LTN1: variants seen among roughly 807,000 people sequenced by gnomAD.
The protein encoded by LTN1 is listerin E3 ubiquitin protein ligase 1, also known as E3 ubiquitin-protein ligase listerin.
Under a neutral mutation model 201.2 loss-of-function variants are expected in LTN1, and 88 were observed. The observed-to-expected ratio is 0.44, with a 90% CI of 0.37 to 0.52. The LOEUF is 0.52. LTN1 is among the 20% of genes least tolerant of loss of function. The pLI, the probability that LTN1 is intolerant of heterozygous loss-of-function variation, is 0.00. For missense variants in LTN1, 1,752 were observed against 2,038.7 expected (o/e 0.86, Z 2.71); for synonymous variants, 645 against 713.5 (o/e 0.90, Z 1.53).
At chr21:28,960,350 C>CA (rs141259201) in intron 12 of LTN1, among the ~76,000 whole-genome samples, 167 bp downstream of exon 12, 5,778 of 140,430 alleles carry the variant, frequency 0.041, 127 homozygotes, top group Middle Eastern at 0.13. Context: ...GAGGGAGACT[C>CA]AGTCTCAAAA....
In LTN1 at chr21:28,971,440, C is replaced by T. The variant is rs1216277719; in HGVS notation, c.815G>A (p.Arg272His). ...AGAGACTAACTCAAAATAAGCTGAGCGAATCTAAAAGAATGCAAAGCTGAA... is the reference window on the plus strand; with the variant it reads ...AGAGACTAACTCAAAATAAGCTGAGTGAATCTAAAAGAATGCAAAGCTGAA... ...KYGKHSVPQI[R>H]SAYFELVSAL... Residue 272 changes from arginine (R) to histidine (H), a missense_variant, in exon 7 of 30, where the codon CGC becomes CAC. Transcript: ENST00000361371. The T allele has an allele frequency of 3.7e-6, 6 of 1,611,058 alleles. No individual in the cohort carries two copies. The highest frequency in any genetic ancestry group is 2.2e-5 in the East Asian group (1 of 44,744).
intron 18 of LTN1, among the ~76,000 whole-genome samples, chr21:28,950,480 A>C (rs1280653088): frequency 6.6e-6 from 1 of 152,194 alleles, no homozygotes; most frequent in African/African-American, 2.4e-5. Context: ...CTAATGTCAA[A>C]AAGTTACATA....
At chr21:28,963,367 G>T (rs532421765) in intron 11 of LTN1, among the ~76,000 whole-genome samples, 3 of 152,268 alleles carry the variant, frequency 2.0e-5, no homozygotes, top group Admixed American at 6.5e-5. Context: ...AAATCCCAGG[G>T]TTCTTAACCT....
Position 28,936,544 on chromosome 21 carries a change from G to T in LTN1, c.4636C>A (p.Leu1546Ile), listed in dbSNP as rs2084258478. Reference sequence around the variant, plus strand: ...TACTGACCTCTAATACTCAGCTGGAGCTCCTCAGTAAAGAATGTTTTAGGG... The same window carrying T: ...TACTGACCTCTAATACTCAGCTGGATCTCCTCAGTAAAGAATGTTTTAGGG... ...KDPKTFFTEE[L>I]QLSIRETTML... Residue 1546 changes from leucine (L) to isoleucine (I), a missense_variant, in exon 26 of 30, where the codon CTC (leucine) becomes ATC (isoleucine). Around this residue, in one of 3 missense-constraint regions of LTN1, gnomAD observed 261 missense variants for 350.1 expected, o/e 0.75. Coordinates refer to ENST00000361371, the MANE Select transcript of LTN1 (RefSeq NM_015565.3). 6.2e-7 allele frequency: 1 copy of T among 1,612,854 alleles called. No homozygotes were observed. The highest frequency in any genetic ancestry group is 8.5e-7 in the Non-Finnish European group (1 of 1,179,344).
rs1336130647 is a variant in LTN1, at chr21:28,930,488, T to C, written c.5261A>G (p.Asn1754Ser). 6.2e-7 allele frequency: 1 copy of C among 1,613,044 alleles called. No individual in the cohort carries two copies. The highest frequency in any genetic ancestry group is 8.5e-7 in the Non-Finnish European group (1 of 1,179,410). The change falls in exon 30 of 30, where the codon AAC becomes AGC. Residue 1754 changes from asparagine to serine, a missense_variant. Around this residue, in one of 3 missense-constraint regions of LTN1, gnomAD observed 261 missense variants for 350.1 expected, o/e 0.75. Transcript: ENST00000361371. ...ACGACACAGTGGACAAGTGGATTTGTTGCTAGATGTAAACCATTTGTACTG... is the reference window on the plus strand; with the variant it reads ...ACGACACAGTGGACAAGTGGATTTGCTGCTAGATGTAAACCATTTGTACTG... Reference protein sequence around the residue: ...ACLYKWFTSSNKSTCPLCRET... With the variant: ...ACLYKWFTSSSKSTCPLCRET...
intron 20 of LTN1, 35 bp downstream of exon 20, chr21:28,946,117 A>G (rs767834750): frequency 3.2e-6 from 5 of 1,544,706 alleles, no homozygotes; most frequent in East Asian, 4.5e-5. Flanking sequence ...TGAATTGTAT[A>G]CTGAAGGAAA....
At chr21:28,992,636 G>T (rs1409558943) in intron 1 of LTN1, 128 bp downstream of exon 1, 12 of 958,132 alleles carry the variant, frequency 1.3e-5, no homozygotes, top group Non-Finnish European at 1.9e-5. Flanking sequence ...ACAACAGAGA[G>T]GTCACACTCG....
chr21:28,975,044 A>G (rs1473616410), intron 6 of LTN1, among the ~76,000 whole-genome samples: 1 of 152,172 alleles, frequency 6.6e-6, no homozygotes, highest in African/African-American at 2.4e-5. Flanking sequence ...CATAACATTC[A>G]CAATGTCCAG....
intron 17 of LTN1, among the ~76,000 whole-genome samples, chr21:28,952,483 T>C (rs1442023777): frequency 6.6e-6 from 1 of 152,218 alleles, no homozygotes; most frequent in African/African-American, 2.4e-5. Context: ...TTGAGCTCTC[T>C]CATCCCTAGG....
chr21:28,965,822 C>T, intron 11 of LTN1, 43 bp downstream of exon 11: 3 of 1,093,912 alleles, frequency 2.7e-6, no homozygotes, highest in African/African-American at 1.6e-5. Context: ...ATTTCTATTC[C>T]CATAAATACA....
Position 28,969,536 on chromosome 21 carries a change from T to A in LTN1, c.1241A>T (p.Glu414Val). Residue 414 changes from glutamate to valine, a missense_variant, in exon 9 of 30, where the codon GAA becomes GTA. Transcript: ENST00000361371. ...ESSAVISAFF[E>V]CLRFIMQQNL... The stretch of plus-strand genomic sequence containing the variant: ...TTGCTGCATTATAAAACGTAAGCAT[T>A]CAAAAAAAGCAGATATTACTGCCGA... 6.2e-7 allele frequency: 1 copy of A among 1,612,376 alleles called. No homozygotes were observed. The highest frequency in any genetic ancestry group is 8.5e-7 in the Non-Finnish European group (1 of 1,178,992).
intron 18 of LTN1, among the ~76,000 whole-genome samples, chr21:28,951,575 G>A (rs976502136): frequency 7.2e-5 from 11 of 151,966 alleles, no homozygotes; most frequent in Non-Finnish European, 1.3e-4. Context: ...AGAGATTTCT[G>A]GGGAAAAGAA....
Position 28,929,730 on chromosome 21 carries a change from A to G in LTN1, c.*718T>C, listed in dbSNP as rs374664022. 4.1e-4 allele frequency: 62 copies of G among 152,274 alleles called. 1 individual carries two copies. The highest frequency in any genetic ancestry group is 1.5e-3 in the African/African-American group (62 of 41,578). 9.4% of individuals were successfully genotyped at this position (152,274 alleles called of 1,614,324 possible). On this transcript the variant is annotated 3_prime_UTR_variant, in exon 30 of 30. Coordinates refer to ENST00000361371, the MANE Select transcript of LTN1 (RefSeq NM_015565.3). ...CCTCTAGAGACTCGCTCAGAGTGAT[A>G]AATTCACTGACAAGTTTACAATTCA...
chr21:28,967,407 T>C (rs1022457915), intron 9 of LTN1, among the ~76,000 whole-genome samples: 1 of 152,088 alleles, frequency 6.6e-6, no homozygotes, highest in Non-Finnish European at 1.5e-5. Context: ...CCTCCAGGGA[T>C]AGAAAGGTAG....
rs537585199 is a variant in LTN1, at chr21:28,961,903, C to T, written c.2164-1197G>A. 2.6e-5 allele frequency among the ~76,000 whole-genome samples: 4 copies of T among 152,036 alleles called. No homozygotes were observed. In the East Asian group the frequency reaches 5.8e-4, roughly 22 times the overall value. ...GCAGGTGCCTATAATCCCAGCTACTCGGGAGGCTGAGGCAGGAGAATCACT... is the reference window on the plus strand; with the variant it reads ...GCAGGTGCCTATAATCCCAGCTACTTGGGAGGCTGAGGCAGGAGAATCACT... On this transcript the variant is annotated intron_variant, in intron 11 of 29. Coordinates refer to ENST00000361371, the MANE Select transcript of LTN1 (RefSeq NM_015565.3).
chr21:28,991,621 C>G (rs1394162325), intron 1 of LTN1, among the ~76,000 whole-genome samples: 1 of 152,200 alleles, frequency 6.6e-6, no homozygotes, highest in Non-Finnish European at 1.5e-5. Context: ...ATTCTTGCAA[C>G]TTTTCCTCAT....
chr21:28,972,927 A>C (rs1282617153), intron 6 of LTN1, among the ~76,000 whole-genome samples: 1 of 152,278 alleles, frequency 6.6e-6, no homozygotes, highest in African/African-American at 2.4e-5. Flanking sequence ...TACCTTCAAA[A>C]GAAGGACAAT....
In LTN1 at chr21:28,953,331, T is replaced by C; in HGVS notation, c.3125A>G (p.Asn1042Ser). The change falls in exon 17 of 30, where the codon AAC becomes AGC. Residue 1042 changes from asparagine (N) to serine (S), a missense_variant. Around this residue, in one of 3 missense-constraint regions of LTN1, gnomAD observed 1,211 missense variants for 1,312.8 expected, o/e 0.92. Transcript: ENST00000361371. ...AAATCCAATTAGAAAAATAGGTGGGTTATCTAATTCTTCACACCACTGCAG... is the reference window on the plus strand; with the variant it reads ...AAATCCAATTAGAAAAATAGGTGGGCTATCTAATTCTTCACACCACTGCAG... ...YSLQWCEELD[N>S]PPIFLIGFCE... The C allele has an allele frequency of 6.2e-7, 1 of 1,606,902 alleles. No homozygotes were observed. The highest frequency in any genetic ancestry group is 8.5e-7 in the Non-Finnish European group (1 of 1,178,132).
In LTN1 at chr21:28,932,953, GA is replaced by G. The variant is rs559721618; in HGVS notation, c.4876-290del. Among the ~76,000 whole-genome samples, 22 of 152,284 alleles carry G rather than the reference GA, an allele frequency of 1.4e-4. 1 individual carries two copies. In the South Asian group the frequency reaches 4.3e-3, roughly 30 times the overall value. On this transcript the variant is annotated intron_variant, in intron 27 of 29. Transcript: ENST00000361371. ...ATAATAGTTCAATAAACCTTGAATA[GA>G]TAAGTGACAGAATGGGTTATTATGC...
Sources: allele counts gnomAD v4.1 joint callset (sites outside exome capture counted in the v4.1 genomes callset), GRCh38; gene constraint gnomAD v4.1.1; regional missense constraint gnomAD v4.1.1; transcripts MANE v1.5; gene names NCBI Gene and HGNC (gene_info 2026-07-23, HGNC 2026-07-21).